The following HCN1 variants were observed in gnomAD, a reference collection of about 807,000 sequenced individuals.
The protein encoded by HCN1 is potassium/sodium hyperpolarization-activated cyclic nucleotide-gated channel 1.
A neutral mutation model predicts 78.9 loss-of-function variants in HCN1; 13 were observed. The ratio of observed to expected loss-of-function variants is 0.16; its 90% CI spans 0.11 to 0.26. The LOEUF (loss-of-function observed/expected upper bound fraction) is 0.26, where lower values mean the gene tolerates loss of function less well. HCN1 is among the 10% of genes least tolerant of loss of function. The pLI is 1.00. For missense variants in HCN1, 810 were observed against 1,154.3 expected (o/e 0.70, Z 4.32); for synonymous variants, 552 against 455.5 (o/e 1.21, Z -2.70).
At chr5:45,341,692 G>T (rs1746585587) in intron 5 of HCN1, among the ~76,000 whole-genome samples, 1 of 152,160 alleles carries the variant, frequency 6.6e-6, no homozygotes. Flanking sequence ...GGGAGGTAAA[G>T]GCTGCAGTGA....
rs76629149 is a variant in HCN1 at position 45,319,348 on chromosome 5, A to C, written c.1378-15509T>G. Among the ~76,000 whole-genome samples, 440 of 152,076 alleles carry C rather than the reference A, an allele frequency of 2.9e-3. 1 individual carries two copies. The highest frequency in any genetic ancestry group is 0.01 in the African/African-American group (420 of 41,526). ...GTTTCAGTTGTCCCACATCTTTGGC[A>C]AAATTTGATTTTATCATTTAGCCAT... On this transcript the variant is annotated intron_variant, in intron 5 of 7. Coordinates refer to ENST00000303230, the MANE Select transcript of HCN1 (RefSeq NM_021072.4).
chr5:45,348,637 A>G (rs1015624715), intron 5 of HCN1, among the ~76,000 whole-genome samples: 2 of 152,206 alleles, frequency 1.3e-5, no homozygotes. Flanking sequence ...ATGTGCAGAG[A>G]CACACATAAC....
intron 1 of HCN1, among the ~76,000 whole-genome samples, chr5:45,685,676 C>T (rs1460409417): frequency 6.6e-6 from 1 of 151,824 alleles, no homozygotes; most frequent in Non-Finnish European, 1.5e-5. Flanking sequence ...CGTGCCATTG[C>T]ACTCCAGCCT....
chr5:45,441,005 C>G (rs1579896558), intron 3 of HCN1, among the ~76,000 whole-genome samples: 1 of 152,296 alleles, frequency 6.6e-6, no homozygotes, highest in East Asian at 1.9e-4. Flanking sequence ...GCTGTTTCTT[C>G]CTTCTGGATT....
intron 6 of HCN1, among the ~76,000 whole-genome samples, chr5:45,276,739 T>C (rs1219004870): frequency 6.6e-6 from 1 of 152,104 alleles, no homozygotes; most frequent in Non-Finnish European, 1.5e-5. Context: ...AATAACCTAC[T>C]AGAGACTTTA....
intron 2 of HCN1, among the ~76,000 whole-genome samples, chr5:45,550,358 G>A (rs1259723850): frequency 6.6e-6 from 1 of 152,046 alleles, no homozygotes; most frequent in Non-Finnish European, 1.5e-5. Context: ...GGACATGGAT[G>A]ACCTGGAAAC....
At chr5:45,420,423 G>A (rs1272964846) in intron 3 of HCN1, among the ~76,000 whole-genome samples, 3 of 152,088 alleles carry the variant, frequency 2.0e-5, no homozygotes, top group African/African-American at 7.2e-5. Flanking sequence ...TACTGGATGG[G>A]GCCTCTGGAA....
intron 2 of HCN1, chr5:45,559,185 C>G (rs1263808765): frequency 1.3e-5 from 2 of 151,890 alleles, no homozygotes; most frequent in Non-Finnish European, 2.9e-5. Flanking sequence ...ATCTAGTCGC[C>G]CAAGAGCTCT....
At chr5:45,624,354 G>T (rs1745122882) in intron 2 of HCN1, among the ~76,000 whole-genome samples, 1 of 152,166 alleles carries the variant, frequency 6.6e-6, no homozygotes, top group Non-Finnish European at 1.5e-5. Flanking sequence ...GAAGTGGTCA[G>T]ACTCCAGATT....
At chr5:45,307,020 G>A (rs997043592) in intron 5 of HCN1, among the ~76,000 whole-genome samples, 3 of 151,810 alleles carry the variant, frequency 2.0e-5, no homozygotes, top group Admixed American at 1.3e-4. Flanking sequence ...CAAACAGAAA[G>A]ACCAATCCCC....
chr5:45,305,193 T>G (rs975222001), intron 5 of HCN1, among the ~76,000 whole-genome samples: 1 of 152,136 alleles, frequency 6.6e-6, no homozygotes, highest in Non-Finnish European at 1.5e-5. Context: ...AAATGTGCTA[T>G]ACCGACCCAT....
At chr5:45,488,014 C>A (rs1028993410) in intron 2 of HCN1, among the ~76,000 whole-genome samples, 2 of 151,976 alleles carry the variant, frequency 1.3e-5, no homozygotes, top group Non-Finnish European at 2.9e-5. Flanking sequence ...GAGTATACAA[C>A]GTGTATTAAA....
chr5:45,564,385 C>G lies in HCN1; in HGVS notation c.849+80800G>C, dbSNP rs953610128. ...ACGCCATTCTCCTGCCTCAGCCTCC[C>G]GAGTAGCTGGGACTACCACGCCTGA... On this transcript the variant is annotated intron_variant, in intron 2 of 7. Coordinates refer to ENST00000303230, the MANE Select transcript of HCN1 (RefSeq NM_021072.4). 3.4e-4 allele frequency among the ~76,000 whole-genome samples: 52 copies of G among 152,074 alleles called. 1 individual carries two copies. Among genetic ancestry groups the G allele is most frequent in the African/African-American group, 1.3e-3 (52 of 41,502 alleles).
chr5:45,594,370 C>G (rs989971122), intron 2 of HCN1, among the ~76,000 whole-genome samples: 2 of 152,108 alleles, frequency 1.3e-5, no homozygotes, highest in Admixed American at 1.3e-4. Flanking sequence ...AATAGAAATG[C>G]TAGTGAAATT....
At chr5:45,620,165 C>CA (rs1177119167) in intron 2 of HCN1, among the ~76,000 whole-genome samples, 2 of 151,708 alleles carry the variant, frequency 1.3e-5, no homozygotes, top group Non-Finnish European at 2.9e-5. Flanking sequence ...GTCAAGGTGG[C>CA]AAAAAACAAG....
chr5:45,423,783 C>A (rs905412971), intron 3 of HCN1, among the ~76,000 whole-genome samples: 3 of 152,110 alleles, frequency 2.0e-5, no homozygotes, highest in African/African-American at 7.2e-5. Context: ...TAAAGAGTTT[C>A]CAAACATCTA....
At chr5:45,312,869 A>T (rs954002569) in intron 5 of HCN1, among the ~76,000 whole-genome samples, 1 of 152,142 alleles carries the variant, frequency 6.6e-6, no homozygotes, top group African/African-American at 2.4e-5. Context: ...AGCAGCCTGG[A>T]GGCTCGACCT....
intron 2 of HCN1, among the ~76,000 whole-genome samples, chr5:45,569,740 ATAGTT>A (rs1426782480): frequency 7.9e-5 from 12 of 152,088 alleles, no homozygotes; most frequent in African/African-American, 2.4e-4. Context: ...AAGTCTTAAT[ATAGTT>A]TAAAGTTTAA....
At chr5:45,672,298 C>T (rs1561240279) in intron 1 of HCN1, among the ~76,000 whole-genome samples, 4 of 151,402 alleles carry the variant, frequency 2.6e-5, no homozygotes, top group African/African-American at 7.3e-5. Context: ...ATATTATTCT[C>T]GTACAGAATT....
Sources: allele counts gnomAD v4.1 joint callset (sites outside exome capture counted in the v4.1 genomes callset), GRCh38; gene constraint gnomAD v4.1.1; transcripts MANE v1.5; gene names NCBI Gene and HGNC (gene_info 2026-07-23, HGNC 2026-07-21).